Variants in ADAMTS10 observed in about 807,000 individuals in gnomAD.
The protein encoded by ADAMTS10 is ADAM metallopeptidase with thrombospondin type 1 motif 10, also known as A disintegrin and metalloproteinase with thrombospondin motifs 10.
A neutral mutation model predicts 135.9 loss-of-function variants in ADAMTS10; 48 were observed. That is an observed-to-expected ratio of 0.35 (90% CI 0.28 to 0.45). The LOEUF is 0.45. Ranked by LOEUF, ADAMTS10 falls within the 20% of genes least tolerant of loss-of-function variation. The pLI is 1.00. For synonymous variants in ADAMTS10, 621 were observed against 647.5 expected (o/e 0.96, Z 0.62); for missense variants, 1,131 against 1,565.2 (o/e 0.72, Z 4.68).
chr19:8,589,660 G>A (rs1357692163), intron 16 of ADAMTS10, 75 bp from the exon 17 acceptor site: 4 of 1,599,088 alleles, frequency 2.5e-6, no homozygotes, highest in Non-Finnish European at 3.4e-6. Context: ...GGGGAGTGAG[G>A]CCAAGAGGGA....
At chr19:8,606,915 A>G (rs908782197) in intron 2 of ADAMTS10, among the ~76,000 whole-genome samples, 24 of 152,164 alleles carry the variant, frequency 1.6e-4, no homozygotes, top group African/African-American at 5.3e-4. Flanking sequence ...TCTAGAAGGT[A>G]TCAATGGGGA....
At chr19:8,584,154 C>CA (rs34412373) in intron 25 of ADAMTS10, among the ~76,000 whole-genome samples, 1,837 of 43,222 alleles carry the variant, frequency 0.043, 50 homozygotes, top group African/African-American at 0.067. Context: ...GACTCCATCT[C>CA]AAAAAAAAAA....
intron 2 of ADAMTS10, among the ~76,000 whole-genome samples, chr19:8,607,145 A>G (rs782787452): frequency 1.3e-5 from 2 of 152,110 alleles, no homozygotes; most frequent in Non-Finnish European, 2.9e-5. Context: ...ATTAGAGCTA[A>G]GGCTCCCACC....
At chr19:8,599,276 G>A (rs1394552664) in intron 6 of ADAMTS10, among the ~76,000 whole-genome samples, 2 of 152,082 alleles carry the variant, frequency 1.3e-5, no homozygotes. Context: ...ATACGGATGT[G>A]TGCCTGTGTG....
At chr19:8,591,129 G>A (rs1317559985) in intron 15 of ADAMTS10, among the ~76,000 whole-genome samples, 1 of 152,178 alleles carries the variant, frequency 6.6e-6, no homozygotes, top group African/African-American at 2.4e-5. Flanking sequence ...GGTTTGGTGA[G>A]AGGAAGCTTC....
intron 12 of ADAMTS10, 64 bp downstream of exon 12, chr19:8,595,698 T>TGCCGGCC: frequency 2.3e-6 from 3 of 1,291,946 alleles, no homozygotes; most frequent in South Asian, 1.2e-5. Context: ...CTGGTGGAGT[T>TGCCGGCC]CCCTCCCCCA....
intron 18 of ADAMTS10, among the ~76,000 whole-genome samples, chr19:8,587,625 C>A (rs546413208): frequency 3.3e-5 from 5 of 151,966 alleles, no homozygotes; most frequent in Middle Eastern, 3.4e-3. Flanking sequence ...TACACCACCA[C>A]ACCCGCCTAA....
chr19:8,592,117 G>T lies in ADAMTS10; in HGVS notation c.1588-14C>A. 1 of 1,613,538 alleles carries T rather than the reference G, an allele frequency of 6.2e-7. No homozygotes were observed. Among genetic ancestry groups the T allele is most frequent in the Non-Finnish European group, 8.5e-7 (1 of 1,180,018 alleles). On this transcript the variant is annotated splice_polypyrimidine_tract_variant and intron_variant, in intron 13 of 25. Transcript: ENST00000597188. ...TTTGTAGCACCACTGGGTGGGGGGA[G>T]ACAGGAAGGAGTGAGTCCAGCCCGG...
rs782589097 is a variant in ADAMTS10, at chr19:8,589,569, G to A, written c.1917C>T (p.Cys639=). Residue 639 remains cysteine (C), a synonymous_variant, in exon 17 of 26, where the codon TGC becomes TGT. Transcript: ENST00000597188. ...KTYRGGGVKA[C]SLTCLAEGFN... ...AGCCTTCCGCTAGGCACGTGAGCGA[G>A]CAGGCCTTCACGCCCCCTGGGGGGC... 30 of 1,613,308 alleles carry A rather than the reference G, an allele frequency of 1.9e-5. No homozygotes were observed. The highest frequency in any genetic ancestry group is 1.6e-4 in the Middle Eastern group (1 of 6,084).
At chr19:8,590,769 T>C (rs1401947923) in intron 15 of ADAMTS10, among the ~76,000 whole-genome samples, 1 of 152,022 alleles carries the variant, frequency 6.6e-6, no homozygotes, top group Non-Finnish European at 1.5e-5. Flanking sequence ...CTAATTTTTG[T>C]ATTTTTAGTA....
intron 15 of ADAMTS10, among the ~76,000 whole-genome samples, chr19:8,590,277 A>AT (rs1248907076): frequency 6.0e-5 from 9 of 151,244 alleles, no homozygotes; most frequent in South Asian, 2.1e-4. Context: ...GCTTGCTTGC[A>AT]TTTTTTTTCT....
chr19:8,610,422 G>GACACACACACACACACACACACAC (rs111492620), intron 1 of ADAMTS10, among the ~76,000 whole-genome samples: 3 of 145,620 alleles, frequency 2.1e-5, no homozygotes, highest in African/African-American at 7.7e-5. Flanking sequence ...TACGTGGACG[G>GACACACACACACACACACACACAC]ACACACACAC....
chr19:8,601,048 G>T lies in ADAMTS10; in HGVS notation c.690C>A (p.Gly230=). 1 of 1,614,140 alleles carries T rather than the reference G, an allele frequency of 6.2e-7. No individual in the cohort carries two copies. ...LGNETERGQP[G]LKRSVSRERY... ...GCTCTCGGCTGACCGATCGCTTCAG[G>T]CCTGGCTGGCCACGCTCTGTTTCAT... Residue 230 remains glycine, a synonymous_variant, in exon 6 of 26, where the codon GGC becomes GGA. Coordinates refer to ENST00000597188, the MANE Select transcript of ADAMTS10 (RefSeq NM_030957.4). This position sits in a 1 kb window ranked among gnomAD's most constrained non-coding sequence, Gnocchi z 4.6.
intron 6 of ADAMTS10, among the ~76,000 whole-genome samples, chr19:8,598,926 C>T (rs1206051122): frequency 6.6e-6 from 1 of 151,766 alleles, no homozygotes; most frequent in Non-Finnish European, 1.5e-5. Flanking sequence ...CAGGCTCAGG[C>T]ACAACTGAGG....
In ADAMTS10 at chr19:8,597,236, G is replaced by C. The variant is rs2042616180; in HGVS notation, c.892C>G (p.Gln298Glu). Residue 298 changes from glutamine (Q) to glutamate (E), a missense_variant and splice_region_variant, in exon 7 of 26, where the codon CAG (glutamine) becomes GAG (glutamate). Around this residue, in one of 3 missense-constraint regions of ADAMTS10, gnomAD observed 80 missense variants for 164.4 expected, o/e 0.49. Transcript: ENST00000597188. ...VTRLILLTED[Q>E]PTLEITHHAG... ...GAAGGGGAGGAAGTCCCCCGCACCT[G>C]GTCCTCCGTGAGCAGGATGAGGCGA... The C allele has an allele frequency of 6.2e-7, 1 of 1,613,992 alleles. No homozygotes were observed.
chr19:8,605,408 C>T lies in ADAMTS10; in HGVS notation c.89-50G>A. 10 of 1,533,058 alleles carry T rather than the reference C, an allele frequency of 6.5e-6. No individual in the cohort carries two copies. Among genetic ancestry groups the T allele is most frequent in the Non-Finnish European group, 8.8e-6 (10 of 1,129,994 alleles). 95.0% of individuals were successfully genotyped at this position (1,533,058 alleles called of 1,614,324 possible). On this transcript the variant is annotated intron_variant, in intron 3 of 25. Transcript: ENST00000597188. The surrounding 1 kb of genome is among the most constrained non-coding windows in gnomAD (Gnocchi z 7.7). ...GGGTGGGCCCTGGTCTTATTGGACCCCTGTGTCCTGGCTGTTAGGCTGCTG... is the reference window on the plus strand; with the variant it reads ...GGGTGGGCCCTGGTCTTATTGGACCTCTGTGTCCTGGCTGTTAGGCTGCTG...
intron 15 of ADAMTS10, among the ~76,000 whole-genome samples, chr19:8,591,014 C>T (rs1469748406): frequency 6.6e-6 from 1 of 152,174 alleles, no homozygotes; most frequent in Non-Finnish European, 1.5e-5. Flanking sequence ...AAGTCCAAAG[C>T]TCTCACTGCC....
chr19:8,585,371 A>C (rs2042412995), intron 23 of ADAMTS10, 63 bp from the exon 24 acceptor site: 1 of 1,534,774 alleles, frequency 6.5e-7, no homozygotes, highest in Non-Finnish European at 8.7e-7. Flanking sequence ...AGGAGGGGAC[A>C]GCTAACCTGG....
At chr19:8,607,426 TCA>T (rs2042732907) in intron 2 of ADAMTS10, among the ~76,000 whole-genome samples, 1 of 152,116 alleles carries the variant, frequency 6.6e-6, no homozygotes, top group Non-Finnish European at 1.5e-5. Flanking sequence ...CCCGCAGGTC[TCA>T]GTCTCTCCAG....
Sources: allele counts gnomAD v4.1 joint callset (sites outside exome capture counted in the v4.1 genomes callset), GRCh38; gene constraint gnomAD v4.1.1; regional missense constraint gnomAD v4.1.1; non-coding constraint Gnocchi (gnomAD v3.1); transcripts MANE v1.5; gene names NCBI Gene and HGNC (gene_info 2026-07-23, HGNC 2026-07-21).